Variants in ARID1B observed in about 807,000 individuals in gnomAD.
The protein encoded by ARID1B is AT-rich interactive domain-containing protein 1B.
ARID1B carries 30 observed loss-of-function variants against 212.3 expected under a neutral mutation model. The ratio of observed to expected loss-of-function variants is 0.14; its 90% CI spans 0.11 to 0.19. ARID1B has a LOEUF of 0.19. Ranked by LOEUF, ARID1B falls within the 10% of genes least tolerant of loss-of-function variation. ARID1B has a pLI of 1.00. For synonymous variants in ARID1B, 1,402 were observed against 1,301.7 expected, an observed-to-expected ratio of 1.08 and a Z score of -1.66; for missense variants, 2,891 against 3,204.0, an observed-to-expected ratio of 0.90 and a Z score of 2.36.
intron 7 of ARID1B, among the ~76,000 whole-genome samples, chr6:157,133,427 A>G (rs1788689790): frequency 6.6e-6 from 1 of 152,240 alleles, no homozygotes; most frequent in Non-Finnish European, 1.5e-5. Context: ...TGTATCAGAC[A>G]CTTGGGTAGG....
chr6:156,994,677 G>A (rs1015456010), intron 4 of ARID1B, among the ~76,000 whole-genome samples: 1 of 152,262 alleles, frequency 6.6e-6, no homozygotes, highest in Admixed American at 6.5e-5. Context: ...CCTGTGCTCT[G>A]CCTCCAATTC....
chr6:156,787,467 T>C (rs534876980), intron 1 of ARID1B, among the ~76,000 whole-genome samples: 6 of 152,292 alleles, frequency 3.9e-5, no homozygotes, highest in Non-Finnish European at 8.8e-5. Flanking sequence ...TAGCCTTATA[T>C]TGAAATGATT....
At position 156,933,023 on chromosome 6, in the gene ARID1B, A is replaced by G. The variant is rs1361139099; in HGVS notation, c.2137-2443A>G. On this transcript the variant is annotated intron_variant, in intron 3 of 19. Transcript: ENST00000636930. ...AGAGTGAAATATAAGGCCACAATAC[A>G]TTTTTCTGATAGCTTTCATAGTCTG... Among the ~76,000 whole-genome samples, 5 of 152,122 alleles carry G rather than the reference A, an allele frequency of 3.3e-5. No individual in the cohort carries two copies. In the East Asian group the frequency reaches 9.6e-4, roughly 29 times the overall value.
At chr6:157,021,685 T>C (rs1040255014) in intron 4 of ARID1B, among the ~76,000 whole-genome samples, 6 of 152,080 alleles carry the variant, frequency 3.9e-5, no homozygotes, top group Non-Finnish European at 8.8e-5. Context: ...GCCACATTCC[T>C]TTCCGGGCAA....
Position 156,880,335 on chromosome 6 carries a change from A to G in ARID1B, c.1987-21041A>G, listed in dbSNP as rs144054239. Among the ~76,000 whole-genome samples the G allele has an allele frequency of 8.5e-5, 13 of 152,354 alleles. No homozygotes were observed. The East Asian group carries it at 2.5e-3, about 29-fold the overall frequency. On this transcript the variant is annotated intron_variant, in intron 2 of 19. Transcript: ENST00000636930. ...TAGAGGCAAAAGCTTACTACAAGGCATTTCTAAGATAGTAGATAAGATGAT... is the reference window on the plus strand; with the variant it reads ...TAGAGGCAAAAGCTTACTACAAGGCGTTTCTAAGATAGTAGATAAGATGAT...
intron 2 of ARID1B, among the ~76,000 whole-genome samples, chr6:156,886,632 T>G (rs1252014097): frequency 6.6e-6 from 1 of 152,200 alleles, no homozygotes; most frequent in Non-Finnish European, 1.5e-5. Context: ...CACTTCCGTT[T>G]GTGACTACTG....
At chr6:156,966,381 C>CTTTCTTTTTTTT (rs1794742120) in intron 4 of ARID1B, among the ~76,000 whole-genome samples, 3 of 89,436 alleles carry the variant, frequency 3.4e-5, no homozygotes, top group African/African-American at 1.1e-4. Flanking sequence ...CTTTTCTTTT[C>CTTTCTTTTTTTT]TTTTCTTTTT....
chr6:156,879,562 A>C (rs1786873247), intron 2 of ARID1B, among the ~76,000 whole-genome samples: 1 of 152,246 alleles, frequency 6.6e-6, no homozygotes, highest in East Asian at 1.9e-4. Flanking sequence ...AAAAGATTAC[A>C]ACAATGGAAA....
chr6:157,177,850 C>T (rs932801359), intron 11 of ARID1B, among the ~76,000 whole-genome samples: 1 of 152,130 alleles, frequency 6.6e-6, no homozygotes, highest in Non-Finnish European at 1.5e-5. Flanking sequence ...AAAGTGAACC[C>T]GTCTTTCCGA....
At chr6:156,828,166 G>C (rs1782888503) in intron 1 of ARID1B, among the ~76,000 whole-genome samples, 1 of 150,772 alleles carries the variant, frequency 6.6e-6, no homozygotes, top group African/African-American at 2.4e-5. Context: ...CTGGGGTCAA[G>C]TGATCTTCTT....
intron 4 of ARID1B, among the ~76,000 whole-genome samples, chr6:157,027,130 A>AG (rs1401767181): frequency 6.6e-6 from 1 of 152,192 alleles, no homozygotes; most frequent in Non-Finnish European, 1.5e-5. Context: ...ATAAAAAAAA[A>AG]TAGTTGTCTG....
chr6:157,080,206 T>G (rs1286696128), intron 4 of ARID1B, among the ~76,000 whole-genome samples: 1 of 152,240 alleles, frequency 6.6e-6, no homozygotes, highest in East Asian at 1.9e-4. Context: ...TACCATCAGC[T>G]AATTGTATTG....
chr6:156,995,631 T>C (rs1247730639), intron 4 of ARID1B, among the ~76,000 whole-genome samples: 1 of 152,200 alleles, frequency 6.6e-6, no homozygotes, highest in Non-Finnish European at 1.5e-5. Flanking sequence ...TTCACTGACA[T>C]GGACAAGTGC....
intron 1 of ARID1B, among the ~76,000 whole-genome samples, chr6:156,796,613 G>A (rs1410721205): frequency 6.6e-6 from 1 of 152,206 alleles, no homozygotes; most frequent in African/African-American, 2.4e-5. Context: ...TGAAGCAGCT[G>A]AGAAAGCCCT....
Position 157,094,330 on chromosome 6 carries a change from G to C in ARID1B, c.2491+9425G>C, listed in dbSNP as rs1397805605. ...TGAGAGAGGAGCTAACGACTTTGTAGGTTATGATTATGATTTAGGAGGTTT... is the reference window on the plus strand; with the variant it reads ...TGAGAGAGGAGCTAACGACTTTGTACGTTATGATTATGATTTAGGAGGTTT... On this transcript the variant is annotated intron_variant, in intron 5 of 19. Transcript: ENST00000636930. The surrounding 1 kb of genome is among the most constrained non-coding windows in gnomAD (Gnocchi z 4.3). Among the ~76,000 whole-genome samples, 2 of 152,088 alleles carry C rather than the reference G, an allele frequency of 1.3e-5. No homozygotes were observed. Among genetic ancestry groups the C allele is most frequent in the Non-Finnish European group, 2.9e-5 (2 of 68,014 alleles).
intron 4 of ARID1B, among the ~76,000 whole-genome samples, chr6:157,005,289 G>A (rs976311627): frequency 1.3e-5 from 2 of 151,942 alleles, no homozygotes; most frequent in Admixed American, 1.3e-4. Flanking sequence ...GAGTAGCTGG[G>A]ATTACAGGCA....
chr6:156,914,611 C>CT (rs1727451191), intron 3 of ARID1B, among the ~76,000 whole-genome samples: 1 of 152,176 alleles, frequency 6.6e-6, no homozygotes, highest in Non-Finnish European at 1.5e-5. Flanking sequence ...ACTTTCAAAG[C>CT]TTTACGTATC....
intron 4 of ARID1B, among the ~76,000 whole-genome samples, chr6:156,978,943 G>A (rs1479622099): frequency 6.6e-6 from 1 of 152,068 alleles, no homozygotes; most frequent in African/African-American, 2.4e-5. Context: ...AAATGTATAT[G>A]ATAATACATT....
intron 1 of ARID1B, among the ~76,000 whole-genome samples, chr6:156,798,170 G>A (rs1780526532): frequency 6.6e-6 from 1 of 152,300 alleles, no homozygotes; most frequent in Admixed American, 6.5e-5. Context: ...AGGGTGGAGC[G>A]CCTGCGCCTG....
Sources: gnomAD v4.1 joint callset for allele counts (sites outside exome capture counted in the v4.1 genomes callset) on GRCh38, gnomAD v4.1.1 for gene constraint, Gnocchi (gnomAD v3.1) non-coding constraint, MANE v1.5 for transcripts, NCBI Gene and HGNC (gene_info 2026-07-23, HGNC 2026-07-21) for gene names.